The following CDH13 variants were observed in gnomAD, a reference collection of about 807,000 sequenced individuals.
CDH13 encodes cadherin-13.
A neutral mutation model predicts 63.8 loss-of-function variants in CDH13; 24 were observed. That is an observed-to-expected ratio of 0.38 (90% CI 0.27 to 0.53). The LOEUF (loss-of-function observed/expected upper bound fraction) is 0.53. Among genes scored for constraint, CDH13 ranks in the 20% least tolerant of loss-of-function variants. The probability of loss-of-function intolerance (pLI) is 0.85; values close to 1 mark genes in which losing one functional copy is unlikely to be tolerated. For missense variants in CDH13, 1,049 were observed against 903.1 expected (o/e 1.16, Z -2.07); for synonymous variants, 503 against 355.3 (o/e 1.42, Z -4.67).
chr16:83,346,128 A>G (rs2090834431), intron 6 of CDH13, among the ~76,000 whole-genome samples: 1 of 152,170 alleles, frequency 6.6e-6, no homozygotes, highest in African/African-American at 2.4e-5. Flanking sequence ...CCAGCTTTAA[A>G]TGCGCTCCGT....
chr16:83,363,870 A>G (rs2091209388), intron 6 of CDH13, among the ~76,000 whole-genome samples: 1 of 152,144 alleles, frequency 6.6e-6, no homozygotes, highest in Non-Finnish European at 1.5e-5. Context: ...CAAGACAATG[A>G]ATATCAGAGA....
intron 2 of CDH13, among the ~76,000 whole-genome samples, chr16:82,893,679 G>C (rs1273949259): frequency 6.6e-6 from 1 of 152,172 alleles, no homozygotes. Context: ...GCCAGAACCT[G>C]AATCTCTTCG....
chr16:82,790,158 C>T (rs1009690361), intron 1 of CDH13, among the ~76,000 whole-genome samples: 2 of 152,094 alleles, frequency 1.3e-5, no homozygotes, highest in Admixed American at 1.3e-4. Flanking sequence ...AATTATAGGC[C>T]AGGCGCGGTA....
At chr16:83,110,532 G>A (rs2035006439) in intron 3 of CDH13, among the ~76,000 whole-genome samples, 1 of 152,134 alleles carries the variant, frequency 6.6e-6, no homozygotes, top group Non-Finnish European at 1.5e-5. Flanking sequence ...TGTATGTAGA[G>A]GTGTAGTGAA....
intron 8 of CDH13, among the ~76,000 whole-genome samples, chr16:83,662,004 T>G (rs1459408507): frequency 6.6e-6 from 1 of 152,102 alleles, no homozygotes; most frequent in Non-Finnish European, 1.5e-5. Flanking sequence ...GGAACATCAT[T>G]TTCCTTTCAA....
intron 6 of CDH13, among the ~76,000 whole-genome samples, chr16:83,468,153 T>A (rs943255500): frequency 6.6e-6 from 1 of 152,142 alleles, no homozygotes; most frequent in Non-Finnish European, 1.5e-5. Flanking sequence ...GTGATCTGAT[T>A]TGGAAGAAGA....
At chr16:83,418,959 C>T (rs576925846) in intron 6 of CDH13, among the ~76,000 whole-genome samples, 1 of 152,068 alleles carries the variant, frequency 6.6e-6, no homozygotes, top group African/African-American at 2.4e-5. Context: ...TGGCAAAGCC[C>T]CCTAAATTCA....
chr16:82,905,645 G>T (rs2041620587), intron 2 of CDH13, among the ~76,000 whole-genome samples: 3 of 152,022 alleles, frequency 2.0e-5, no homozygotes, highest in African/African-American at 7.2e-5. Context: ...TTTCTAGTAG[G>T]TGCATCAAAA....
At chr16:83,007,386 G>A (rs1237804940) in intron 2 of CDH13, among the ~76,000 whole-genome samples, 2 of 152,102 alleles carry the variant, frequency 1.3e-5, no homozygotes, top group African/African-American at 4.8e-5. Flanking sequence ...AGGAAACTAT[G>A]GTTCAAAATG....
At chr16:83,439,519 G>A (rs2072421573) in intron 6 of CDH13, among the ~76,000 whole-genome samples, 1 of 152,238 alleles carries the variant, frequency 6.6e-6, no homozygotes, top group African/African-American at 2.4e-5. Flanking sequence ...GGAAGCATGG[G>A]TAGTTCTATG....
At chr16:83,556,975 C>A (rs1419710294) in intron 7 of CDH13, among the ~76,000 whole-genome samples, 1 of 152,164 alleles carries the variant, frequency 6.6e-6, no homozygotes, top group Non-Finnish European at 1.5e-5. Flanking sequence ...GGTCCCCGAC[C>A]CCCAGGCCTG....
chr16:83,719,083 C>A (rs1415580000), intron 10 of CDH13, among the ~76,000 whole-genome samples: 1 of 152,212 alleles, frequency 6.6e-6, no homozygotes, highest in Non-Finnish European at 1.5e-5. Flanking sequence ...CTCTTAAAAT[C>A]ATTCTCTCCT....
intron 3 of CDH13, among the ~76,000 whole-genome samples, chr16:83,116,843 A>G (rs2035323620): frequency 6.6e-6 from 1 of 151,958 alleles, no homozygotes; most frequent in African/African-American, 2.4e-5. Flanking sequence ...ATTGACTCCA[A>G]CTCTCCCTTT....
chr16:82,990,892 C>T (rs1181750170), intron 2 of CDH13, among the ~76,000 whole-genome samples: 1 of 152,182 alleles, frequency 6.6e-6, no homozygotes, highest in Non-Finnish European at 1.5e-5. Context: ...CACCAAGGCT[C>T]ATACATATGT....
At chr16:82,998,074 C>T (rs753603536) in intron 2 of CDH13, among the ~76,000 whole-genome samples, 6 of 152,158 alleles carry the variant, frequency 3.9e-5, no homozygotes, top group African/African-American at 1.2e-4. Context: ...GAGTTGGTGA[C>T]CAGCTCAAAT....
chr16:83,327,574 G>A (rs143242214), intron 5 of CDH13, among the ~76,000 whole-genome samples: 7 of 152,286 alleles, frequency 4.6e-5, no homozygotes, highest in East Asian at 3.9e-4. Context: ...ATTCCTAGTC[G>A]TTGAGAGCTT....
chr16:83,589,275 C>CT (rs1455627535), intron 7 of CDH13, among the ~76,000 whole-genome samples: 1 of 48,006 alleles, frequency 2.1e-5, no homozygotes, highest in Non-Finnish European at 5.4e-5. Context: ...TTCTTTCTCC[C>CT]TTTCCCCCCC....
At chr16:82,941,407 G>A (rs1904285184) in intron 2 of CDH13, among the ~76,000 whole-genome samples, 1 of 152,162 alleles carries the variant, frequency 6.6e-6, no homozygotes, top group African/African-American at 2.4e-5. Flanking sequence ...GGGGGTGGGT[G>A]CTCACCTACC....
chr16:83,536,025 C>T (rs1287040914), intron 7 of CDH13, among the ~76,000 whole-genome samples: 2 of 152,150 alleles, frequency 1.3e-5, no homozygotes, highest in Admixed American at 1.3e-4. Flanking sequence ...CTTTGGCCCT[C>T]CTCTCTCTAG....
Sources: gnomAD v4.1 joint callset for allele counts (sites outside exome capture counted in the v4.1 genomes callset) on GRCh38, gnomAD v4.1.1 for gene constraint, MANE v1.5 for transcripts, NCBI Gene and HGNC (gene_info 2026-07-23, HGNC 2026-07-21) for gene names.